Variants in TERB2 observed in about 807,000 individuals in gnomAD.
TERB2 encodes the protein telomere repeat binding bouquet formation protein 2.
TERB2 carries 26 observed loss-of-function variants against 29.8 expected under a neutral mutation model. The observed-to-expected ratio is 0.87, with a 90% CI of 0.64 to 1.21. The LOEUF is 1.21. Ranked by LOEUF, TERB2 falls within the 50% of genes most tolerant of loss-of-function variation. TERB2 has a pLI of 0.00. For missense variants in TERB2, 240 were observed against 268.6 expected (o/e 0.89, Z 0.74); for synonymous variants, 80 against 90.8 (o/e 0.88, Z 0.68).
Position 44,978,622 on chromosome 15 carries a change from G to A in TERB2, c.657G>A (p.Arg219=), listed in dbSNP as rs1243063557. ...CTGCTATAAAAAACAAATTGAAGAG[G>A]AAATAGTAAATTAAATTGTAAATAC... ...NMSAIKNKLK[R]K Residue 219 remains arginine, a synonymous_variant, in exon 7 of 7, where the codon AGG becomes AGA. Transcript: ENST00000340827. 3 of 1,588,768 alleles carry A rather than the reference G, an allele frequency of 1.9e-6. No individual in the cohort carries two copies. Among genetic ancestry groups the A allele is most frequent in the East Asian group, 2.2e-5 (1 of 44,520 alleles).
At chr15:44,971,441 A>G (rs1394410131) in intron 5 of TERB2, among the ~76,000 whole-genome samples, 1 of 152,206 alleles carries the variant, frequency 6.6e-6, no homozygotes, top group East Asian at 1.9e-4. Context: ...CAGGGTGCAC[A>G]GTCATATCAT....
At chr15:44,975,315 C>T (rs1184139084) in intron 6 of TERB2, among the ~76,000 whole-genome samples, 1 of 151,896 alleles carries the variant, frequency 6.6e-6, no homozygotes, top group African/African-American at 2.4e-5. Context: ...ACAAATACTT[C>T]TCTTTTTTTA....
chr15:44,976,759 AG>A (rs1892052995), intron 6 of TERB2, among the ~76,000 whole-genome samples: 1 of 152,172 alleles, frequency 6.6e-6, no homozygotes, highest in South Asian at 2.1e-4. Flanking sequence ...TGGATAACAC[AG>A]GAACAGACAT....
chr15:44,956,734 C>T lies in TERB2; in HGVS notation c.16C>T (p.Arg6Cys). Reference protein sequence around the residue: MFQGQRGWFCGSVSQD... With the variant: MFQGQCGWFCGSVSQD... Reference sequence around the variant, plus strand: ...TGGCGACGCCATGTTTCAAGGGCAGCGCGGTTGGTTTTGCGGCAGCGTTAG... The same window carrying T: ...TGGCGACGCCATGTTTCAAGGGCAGTGCGGTTGGTTTTGCGGCAGCGTTAG... Residue 6 changes from arginine (R) to cysteine (C), a missense_variant, in exon 1 of 7, where the codon CGC becomes TGC. Arg to Cys is a radical substitution (Grantham distance 180, BLOSUM62 -3). Coordinates refer to ENST00000340827, the MANE Select transcript of TERB2 (RefSeq NM_152448.3). 2 of 1,611,636 alleles carry T rather than the reference C, an allele frequency of 1.2e-6. No homozygotes were observed. The highest frequency in any genetic ancestry group is 1.7e-6 in the Non-Finnish European group (2 of 1,179,032).
chr15:44,957,041 T>G, intron 2 of TERB2, 64 bp downstream of exon 2: 7 of 1,497,846 alleles, frequency 4.7e-6, no homozygotes, highest in Non-Finnish European at 6.4e-6. Context: ...GGATGGAAGT[T>G]GCAGTCCACT....
At chr15:44,968,217 A>T (rs35086485) in intron 5 of TERB2, among the ~76,000 whole-genome samples, 1 of 150,952 alleles carries the variant, frequency 6.6e-6, no homozygotes, top group African/African-American at 2.5e-5. Flanking sequence ...GATAACCTTC[A>T]TTTTTTGTTT....
intron 5 of TERB2, among the ~76,000 whole-genome samples, chr15:44,966,998 C>T (rs1182373875): frequency 1.3e-5 from 2 of 152,154 alleles, no homozygotes; most frequent in Admixed American, 6.5e-5. Flanking sequence ...TATTTGGAGG[C>T]TGAGGTGGGA....
intron 5 of TERB2, among the ~76,000 whole-genome samples, chr15:44,968,584 C>CTTTTT (rs34188520): frequency 3.0e-5 from 3 of 98,502 alleles, no homozygotes; most frequent in East Asian, 3.3e-4. Context: ...TTTGTTTAAC[C>CTTTTT]TTTTTTTTTT....
chr15:44,957,499 C>T (rs1891736497), intron 2 of TERB2, among the ~76,000 whole-genome samples: 1 of 152,058 alleles, frequency 6.6e-6, no homozygotes, highest in Non-Finnish European at 1.5e-5. Flanking sequence ...CTTGTCATTT[C>T]CCCTCATACC....
At chr15:44,966,371 T>C (rs907686465) in intron 5 of TERB2, 128 bp downstream of exon 5, 11 of 452,620 alleles carry the variant, frequency 2.4e-5, no homozygotes, top group African/African-American at 4.2e-5. Context: ...ATTCCCATTA[T>C]ACAAAAAAAA....
intron 5 of TERB2, chr15:44,971,206 C>T (rs1891962257): frequency 6.6e-6 from 1 of 152,546 alleles, no homozygotes; most frequent in African/African-American, 2.4e-5. Flanking sequence ...CACGGAGTTT[C>T]CATTCCCTAA....
At chr15:44,976,826 T>A (rs1398585535) in intron 6 of TERB2, among the ~76,000 whole-genome samples, 1 of 152,184 alleles carries the variant, frequency 6.6e-6, no homozygotes, top group African/African-American at 2.4e-5. Flanking sequence ...GAGTGAATGC[T>A]GATTTGAACC....
intron 4 of TERB2, among the ~76,000 whole-genome samples, chr15:44,962,520 CTGAT>C (rs915944373): frequency 6.6e-6 from 1 of 151,958 alleles, no homozygotes; most frequent in Non-Finnish European, 1.5e-5. Context: ...AGTGTAGACT[CTGAT>C]TGGTGAATTC....
At position 44,961,700 on chromosome 15, in the gene TERB2, G is replaced by A. The variant is rs577684110; in HGVS notation, c.348+116G>A. 4.3e-5 allele frequency: 28 copies of A among 655,450 alleles called. No homozygotes were observed. The African/African-American group carries it at 5.0e-4, about 12-fold the overall frequency. 40.6% of individuals were successfully genotyped at this position (655,450 alleles called of 1,614,324 possible). On this transcript the variant is annotated intron_variant, in intron 4 of 6. Coordinates refer to ENST00000340827, the MANE Select transcript of TERB2 (RefSeq NM_152448.3). ...TTAGCACCAATGAGTCAGATTAAGAGATTGATTTATTTATTTTGAGACGGA... is the reference window on the plus strand; with the variant it reads ...TTAGCACCAATGAGTCAGATTAAGAAATTGATTTATTTATTTTGAGACGGA...
At position 44,973,928 on chromosome 15, in the gene TERB2, A is replaced by G; in HGVS notation, c.496A>G (p.Asn166Asp). ...AAAGCAGATGTACTTCCCTCTACAG[A>G]ATTACCCAGTTAACAACATGGTAAC... Reference protein sequence around the residue: ...VEKQMYFPLQNYPVNNMVTGY... With the variant: ...VEKQMYFPLQDYPVNNMVTGY... Residue 166 changes from asparagine to aspartate, a missense_variant, in exon 6 of 7, where the codon AAT becomes GAT. Physicochemically the swap from Asn to Asp is conservative, Grantham distance 23 (BLOSUM62 1). Coordinates refer to ENST00000340827, the MANE Select transcript of TERB2 (RefSeq NM_152448.3). The G allele has an allele frequency of 6.2e-7, 1 of 1,601,130 alleles. No individual in the cohort carries two copies. The highest frequency in any genetic ancestry group is 8.5e-7 in the Non-Finnish European group (1 of 1,172,818).
intron 5 of TERB2, among the ~76,000 whole-genome samples, chr15:44,966,942 T>C (rs1352581013): frequency 6.6e-6 from 1 of 152,026 alleles, no homozygotes; most frequent in Non-Finnish European, 1.5e-5. Context: ...CTATAAAAAA[T>C]TTAAAATACT....
At chr15:44,969,880 T>C (rs909942150) in intron 5 of TERB2, among the ~76,000 whole-genome samples, 7 of 151,692 alleles carry the variant, frequency 4.6e-5, no homozygotes, top group Admixed American at 4.6e-4. Flanking sequence ...GGAAATAAAC[T>C]ACATAATATC....
At position 44,961,191 on chromosome 15, in the gene TERB2, G is replaced by GATATAT. The variant is rs34640759; in HGVS notation, c.287-312_287-307dup. The stretch of plus-strand genomic sequence containing the variant: ...GAAGAGTGGATGAACATACCTCAAT[G>GATATAT]ATATATATATATATATATATATATA... On this transcript the variant is annotated intron_variant, in intron 3 of 6. Transcript: ENST00000340827. 1.3e-3 allele frequency among the ~76,000 whole-genome samples: 174 copies of GATATAT among 136,424 alleles called. 1 individual carries two copies. The highest frequency in any genetic ancestry group is 4.2e-3 in the African/African-American group (158 of 37,712). The allele number at this position is 136,424 out of a possible 152,430, so 89.5% of individuals were successfully genotyped here. A position where few individuals can be genotyped will look rare whatever the true frequency, so the allele number is the denominator to read the frequency against.
rs1892088571 is a variant in TERB2, at chr15:44,979,098, A to G, written c.*470A>G. Reference sequence around the variant, plus strand: ...AATCTGGTCATCTTATTTTGATTTTAAAAATTAGGATGCTAGTTGCATTCT... The same window carrying G: ...AATCTGGTCATCTTATTTTGATTTTGAAAATTAGGATGCTAGTTGCATTCT... On this transcript the variant is annotated 3_prime_UTR_variant, in exon 7 of 7. Transcript: ENST00000340827. The G allele has an allele frequency of 6.6e-6, 1 of 152,258 alleles. No individual in the cohort carries two copies. Among genetic ancestry groups the G allele is most frequent in the South Asian group, 2.1e-4 (1 of 4,834 alleles). 9.4% of individuals were successfully genotyped at this position (152,258 alleles called of 1,614,324 possible). A position where few individuals can be genotyped will look rare whatever the true frequency, so the allele number is the denominator to read the frequency against.
Sources: allele counts gnomAD v4.1 joint callset (sites outside exome capture counted in the v4.1 genomes callset), GRCh38; gene constraint gnomAD v4.1.1; transcripts MANE v1.5; gene names NCBI Gene and HGNC (gene_info 2026-07-23, HGNC 2026-07-21).